Variants in SMYD3 observed in about 807,000 individuals in gnomAD.
The protein encoded by SMYD3 is histone-lysine N-methyltransferase SMYD3.
In SMYD3, 36 loss-of-function variants were observed where a neutral mutation model predicts 57.7. The ratio of observed to expected loss-of-function variants is 0.62; its 90% CI spans 0.48 to 0.82. The LOEUF (loss-of-function observed/expected upper bound fraction) is 0.82, where lower values mean the gene tolerates loss of function less well. Among genes scored for constraint, SMYD3 ranks in the 40% least tolerant of loss-of-function variants. SMYD3 has a pLI of 0.00. For missense variants in SMYD3, 515 were observed against 538.8 expected, an observed-to-expected ratio of 0.96 and a Z score of 0.44; for synonymous variants, 211 against 195.0, an observed-to-expected ratio of 1.08 and a Z score of -0.68.
At chr1:246,158,756 C>T (rs1035047428) in intron 5 of SMYD3, among the ~76,000 whole-genome samples, 6 of 152,046 alleles carry the variant, frequency 3.9e-5, no homozygotes, top group African/African-American at 1.4e-4. Flanking sequence ...ATTTTCCTCT[C>T]CTTGACAAAC....
In SMYD3 at chr1:246,507,240, A is replaced by T; in HGVS notation, c.-23T>A. 6 of 1,492,890 alleles carry T rather than the reference A, an allele frequency of 4.0e-6. No individual in the cohort carries two copies. The highest frequency in any genetic ancestry group is 5.4e-6 in the Non-Finnish European group (6 of 1,116,298). 92.5% of individuals were successfully genotyped at this position (1,492,890 alleles called of 1,614,324 possible). On this transcript the variant is annotated 5_prime_UTR_variant, in exon 1 of 12. Transcript: ENST00000490107. ...CATCCTCCCGCAGCTCCGGCACCTC[A>T]GACGGCTACCCGCGTCCAGCAGCGG... is the stretch of plus-strand genomic sequence containing the variant.
intron 8 of SMYD3, among the ~76,000 whole-genome samples, chr1:245,909,850 T>C (rs2054839815): frequency 6.6e-6 from 1 of 152,066 alleles, no homozygotes; most frequent in African/African-American, 2.4e-5. Context: ...AACCCCAAGC[T>C]AGCATCACAC....
At chr1:246,474,133 C>T (rs886575089) in intron 1 of SMYD3, among the ~76,000 whole-genome samples, 2 of 152,186 alleles carry the variant, frequency 1.3e-5, no homozygotes, top group Admixed American at 6.5e-5. Flanking sequence ...AATTCTACAT[C>T]GGAGTGTTTT....
chr1:246,249,520 G>T (rs1622402), intron 5 of SMYD3, among the ~76,000 whole-genome samples: 8,028 of 96,796 alleles, frequency 0.083, 334 homozygotes, highest in African/African-American at 0.16. Flanking sequence ...CTAGTTTTTT[G>T]TTTTTTTTGT....
At chr1:246,016,891 G>A (rs998014899) in intron 5 of SMYD3, among the ~76,000 whole-genome samples, 10 of 151,858 alleles carry the variant, frequency 6.6e-5, no homozygotes, top group African/African-American at 1.9e-4. Flanking sequence ...CTGCCTTGTC[G>A]GTCTAATGCT....
chr1:246,154,133 C>A (rs1003477523), intron 5 of SMYD3, among the ~76,000 whole-genome samples: 1 of 152,190 alleles, frequency 6.6e-6, no homozygotes, highest in African/African-American at 2.4e-5. Context: ...GCTATATCCA[C>A]TCATGTGGTA....
intron 1 of SMYD3, among the ~76,000 whole-genome samples, chr1:246,378,698 TCCCC>T: frequency 1.6e-5 from 1 of 63,488 alleles, no homozygotes; most frequent in Non-Finnish European, 3.3e-5. Context: ...CTTAATAAAC[TCCCC>T]TTTATATATA....
rs73138801 is a variant in SMYD3 at position 245,862,515 on chromosome 1, G to A, written c.901+1284C>T. ...TCTTTTGAACTCTTTTTTTTCTTTC[G>A]AGATACTGATTCTATCATCCCACCT... On this transcript the variant is annotated intron_variant, in intron 9 of 11. Coordinates refer to ENST00000490107, the MANE Select transcript of SMYD3 (RefSeq NM_001167740.2). Among the ~76,000 whole-genome samples, 980 of 151,350 alleles carry A rather than the reference G, an allele frequency of 6.5e-3. 11 individuals carry two copies. The highest frequency in any genetic ancestry group is 0.022 in the African/African-American group (890 of 41,202).
chr1:246,244,068 A>C (rs1358918526), intron 5 of SMYD3, among the ~76,000 whole-genome samples: 1 of 142,174 alleles, frequency 7.0e-6, no homozygotes, highest in African/African-American at 2.6e-5. Context: ...ATATGAGTTA[A>C]AAAAACATTT....
chr1:246,344,075 G>T (rs532605830), intron 2 of SMYD3, among the ~76,000 whole-genome samples: 2 of 152,108 alleles, frequency 1.3e-5, no homozygotes, highest in African/African-American at 4.8e-5. Context: ...TTGAGATGGG[G>T]TCTTGCTATA....
intron 7 of SMYD3, among the ~76,000 whole-genome samples, chr1:245,919,094 C>G (rs2055669027): frequency 6.6e-6 from 1 of 152,214 alleles, no homozygotes; most frequent in African/African-American, 2.4e-5. Context: ...GAACCATTAC[C>G]TGGACTACGC....
At chr1:246,377,779 G>A (rs1484375825) in intron 1 of SMYD3, among the ~76,000 whole-genome samples, 1 of 152,188 alleles carries the variant, frequency 6.6e-6, no homozygotes, top group African/African-American at 2.4e-5. Flanking sequence ...TTTAAAGTAT[G>A]TATTCCTAGA....
At chr1:245,913,229 G>A (rs2055134681) in intron 8 of SMYD3, among the ~76,000 whole-genome samples, 1 of 151,900 alleles carries the variant, frequency 6.6e-6, no homozygotes, top group South Asian at 2.1e-4. Context: ...GGATGAAGCT[G>A]GAAACCATCA....
chr1:246,466,772 C>T (rs987912207), intron 1 of SMYD3, among the ~76,000 whole-genome samples: 1 of 152,124 alleles, frequency 6.6e-6, no homozygotes, highest in African/African-American at 2.4e-5. Context: ...CACTTGAGCC[C>T]GGGAAATCAA....
At chr1:245,882,125 G>A (rs978121562) in intron 8 of SMYD3, among the ~76,000 whole-genome samples, 9 of 152,304 alleles carry the variant, frequency 5.9e-5, no homozygotes, top group African/African-American at 1.7e-4. Flanking sequence ...CGCTTAGGGA[G>A]GCTCTTGCAG....
chr1:246,304,853 C>T (rs777522354), intron 5 of SMYD3, among the ~76,000 whole-genome samples: 2 of 152,138 alleles, frequency 1.3e-5, no homozygotes, highest in Admixed American at 6.5e-5. Flanking sequence ...CTGTGGGCTG[C>T]GGCTTGTTTG....
intron 3 of SMYD3, among the ~76,000 whole-genome samples, chr1:246,333,001 G>A (rs1053556482): frequency 1.3e-5 from 2 of 152,210 alleles, no homozygotes; most frequent in East Asian, 1.9e-4. Flanking sequence ...CATAGCTAGA[G>A]AGAATTCAAT....
At chr1:246,003,550 C>T (rs566497938) in intron 5 of SMYD3, among the ~76,000 whole-genome samples, 19 of 152,174 alleles carry the variant, frequency 1.2e-4, no homozygotes, top group Non-Finnish European at 2.5e-4. Flanking sequence ...CCTCCCCATT[C>T]CTTTTTATCT....
At chr1:246,284,095 T>C (rs1024410392) in intron 5 of SMYD3, among the ~76,000 whole-genome samples, 1 of 152,190 alleles carries the variant, frequency 6.6e-6, no homozygotes, top group African/African-American at 2.4e-5. Context: ...CAAAAGTACT[T>C]CCTCAGAGCC....
Sources: gnomAD v4.1 joint callset for allele counts (sites outside exome capture counted in the v4.1 genomes callset) on GRCh38, gnomAD v4.1.1 for gene constraint, MANE v1.5 for transcripts, NCBI Gene and HGNC (gene_info 2026-07-23, HGNC 2026-07-21) for gene names.